The following SEMA3E variants were observed in gnomAD, a reference collection of about 807,000 sequenced individuals.
The protein encoded by SEMA3E is semaphorin-3E.
In SEMA3E, 49 loss-of-function variants were observed where a neutral mutation model predicts 93.6. The observed-to-expected ratio is 0.52, with a 90% confidence interval of 0.42 to 0.66. SEMA3E has a LOEUF of 0.66. Among genes scored for constraint, SEMA3E ranks in the 30% least tolerant of loss-of-function variants. The probability of loss-of-function intolerance (pLI) is 0.00; values close to 1 mark genes in which losing one functional copy is unlikely to be tolerated. For missense variants in SEMA3E, 906 were observed against 964.8 expected (o/e 0.94, Z 0.81); for synonymous variants, 363 against 330.7 (o/e 1.10, Z -1.06).
At chr7:83,379,806 T>A (rs938607936) in intron 16 of SEMA3E, among the ~76,000 whole-genome samples, 4 of 151,928 alleles carry the variant, frequency 2.6e-5, no homozygotes, top group Non-Finnish European at 5.9e-5. Flanking sequence ...AATAAAAATA[T>A]CTCCTTCATG....
chr7:83,409,238 A>C (rs1280604555), intron 5 of SEMA3E, among the ~76,000 whole-genome samples: 1 of 152,164 alleles, frequency 6.6e-6, no homozygotes, highest in East Asian at 1.9e-4. Context: ...AAAGACATTA[A>C]AATAACTTAA....
chr7:83,441,343 T>C (rs2076113868), intron 4 of SEMA3E, among the ~76,000 whole-genome samples: 1 of 152,170 alleles, frequency 6.6e-6, no homozygotes, highest in African/African-American at 2.4e-5. Flanking sequence ...GGGAATGTGA[T>C]TTGCCAATTT....
intron 4 of SEMA3E, among the ~76,000 whole-genome samples, chr7:83,436,484 C>CAT (rs1377156048): frequency 6.6e-6 from 1 of 151,520 alleles, no homozygotes; most frequent in Non-Finnish European, 1.5e-5. Context: ...TATATACATA[C>CAT]ATATATATAC....
At chr7:83,580,636 C>T (rs1031439875) in intron 1 of SEMA3E, among the ~76,000 whole-genome samples, 16 of 152,000 alleles carry the variant, frequency 1.1e-4, no homozygotes, top group African/African-American at 3.9e-4. Flanking sequence ...GTTCATAAAA[C>T]ATCTCCAAGA....
intron 1 of SEMA3E, among the ~76,000 whole-genome samples, chr7:83,605,432 C>CTT (rs984270674): frequency 6.8e-6 from 1 of 147,936 alleles, no homozygotes; most frequent in African/African-American, 2.5e-5. Flanking sequence ...AATGTCCTCT[C>CTT]TTTTTTTTTT....
At chr7:83,563,585 C>A (rs1049449373) in intron 1 of SEMA3E, among the ~76,000 whole-genome samples, 1 of 152,154 alleles carries the variant, frequency 6.6e-6, no homozygotes, top group African/African-American at 2.4e-5. Context: ...TGGGGCCCAG[C>A]ATGCTGGGTT....
At chr7:83,463,029 G>A (rs1379332149) in intron 4 of SEMA3E, among the ~76,000 whole-genome samples, 1 of 146,162 alleles carries the variant, frequency 6.8e-6, no homozygotes, top group Non-Finnish European at 1.5e-5. Context: ...CTGCCGCAAA[G>A]CTTCACAGAC....
In SEMA3E at chr7:83,365,130, T is replaced by C. The variant is rs773363316; in HGVS notation, c.*2456A>G. The C allele has an allele frequency of 6.6e-6, 1 of 151,908 alleles. No individual in the cohort carries two copies. The highest frequency in any genetic ancestry group is 1.5e-5 in the Non-Finnish European group (1 of 68,000). The allele number at this position is 151,908 out of a possible 1,614,324, so 9.4% of individuals were successfully genotyped here. A position where few individuals can be genotyped will look rare whatever the true frequency, so the allele number is the denominator to read the frequency against. On this transcript the variant is annotated 3_prime_UTR_variant, in exon 17 of 17. Coordinates refer to ENST00000643230, the MANE Select transcript of SEMA3E (RefSeq NM_012431.3). Reference sequence around the variant, plus strand: ...GATAGGGCAGTGAAGATTTATTTTATAGTATGTGAGGGGTGTGTGTGTGTG... The same window carrying C: ...GATAGGGCAGTGAAGATTTATTTTACAGTATGTGAGGGGTGTGTGTGTGTG...
chr7:83,399,450 T>C (rs1032264911), intron 11 of SEMA3E, among the ~76,000 whole-genome samples: 6 of 152,204 alleles, frequency 3.9e-5, no homozygotes, highest in African/African-American at 1.4e-4. Flanking sequence ...GATCTTGACG[T>C]GAACTCATAA....
chr7:83,447,358 A>G (rs1789254302), intron 4 of SEMA3E, among the ~76,000 whole-genome samples: 1 of 152,018 alleles, frequency 6.6e-6, no homozygotes, highest in Non-Finnish European at 1.5e-5. Flanking sequence ...AATATGGTGA[A>G]ACCCCGTCTC....
chr7:83,500,056 T>C (rs1395839836), intron 1 of SEMA3E, among the ~76,000 whole-genome samples: 1 of 152,224 alleles, frequency 6.6e-6, no homozygotes, highest in African/African-American at 2.4e-5. Flanking sequence ...TAAGATGTTA[T>C]AGATATTCAG....
intron 2 of SEMA3E, among the ~76,000 whole-genome samples, chr7:83,478,908 C>A (rs1000511356): frequency 6.6e-6 from 1 of 152,240 alleles, no homozygotes; most frequent in Non-Finnish European, 1.5e-5. Flanking sequence ...CTGCTACTTA[C>A]TGGCCTCATG....
intron 16 of SEMA3E, chr7:83,372,139 T>G: frequency 2.5e-6 from 1 of 395,730 alleles, no homozygotes; most frequent in Non-Finnish European, 4.5e-6. Flanking sequence ...ATGGGGTATA[T>G]CCATACAGAC....
chr7:83,615,538 A>T (rs763393006), intron 1 of SEMA3E, among the ~76,000 whole-genome samples: 2 of 152,054 alleles, frequency 1.3e-5, no homozygotes, highest in African/African-American at 2.4e-5. Flanking sequence ...GGGAAGAAAG[A>T]TGTTTTTATT....
At chr7:83,428,775 G>A (rs1788825577) in intron 4 of SEMA3E, among the ~76,000 whole-genome samples, 3 of 151,998 alleles carry the variant, frequency 2.0e-5, no homozygotes, top group South Asian at 4.1e-4. Context: ...TAATATATTT[G>A]TATCATACAT....
chr7:83,622,991 A>G (rs926828656), intron 1 of SEMA3E, among the ~76,000 whole-genome samples: 2 of 152,188 alleles, frequency 1.3e-5, no homozygotes, highest in Non-Finnish European at 2.9e-5. Context: ...TTAAAATAAA[A>G]GTTGATAAAT....
chr7:83,603,417 A>T (rs1793040069), intron 1 of SEMA3E, among the ~76,000 whole-genome samples: 1 of 152,180 alleles, frequency 6.6e-6, no homozygotes. Flanking sequence ...GAATAGGAAT[A>T]TCTGTAAATT....
chr7:83,445,393 A>C (rs1160086822), intron 4 of SEMA3E, among the ~76,000 whole-genome samples: 1 of 152,198 alleles, frequency 6.6e-6, no homozygotes, highest in Non-Finnish European at 1.5e-5. Flanking sequence ...TGGTGGATTA[A>C]AGTAATGAAG....
intron 1 of SEMA3E, among the ~76,000 whole-genome samples, chr7:83,543,102 A>G (rs1407839124): frequency 6.6e-6 from 1 of 151,994 alleles, no homozygotes; most frequent in African/African-American, 2.4e-5. Context: ...TATAGTGTTA[A>G]GTTCTTTTTA....
Sources: gnomAD v4.1 joint callset for allele counts (sites outside exome capture counted in the v4.1 genomes callset) on GRCh38, gnomAD v4.1.1 for gene constraint, MANE v1.5 for transcripts, NCBI Gene and HGNC (gene_info 2026-07-23, HGNC 2026-07-21) for gene names.